HMCN2: variants seen among roughly 807,000 people sequenced by gnomAD.
HMCN2 encodes hemicentin-2.
In HMCN2, 325 loss-of-function variants were observed where a neutral mutation model predicts 377.5. That is an observed-to-expected ratio of 0.86 (90% CI 0.79 to 0.94). HMCN2 has a LOEUF of 0.94. Ranked by LOEUF, HMCN2 falls within the 40% of genes least tolerant of loss-of-function variation. The probability of loss-of-function intolerance (pLI) is 0.00; values close to 1 mark genes in which losing one functional copy is unlikely to be tolerated. For synonymous variants in HMCN2, 2,007 were observed against 2,046.8 expected (o/e 0.98, Z 0.53); for missense variants, 4,543 against 4,725.3 (o/e 0.96, Z 1.13).
intron 49 of HMCN2, among the ~76,000 whole-genome samples, chr9:130,375,048 A>G (rs1355685949): frequency 6.6e-6 from 1 of 152,170 alleles, no homozygotes; most frequent in African/African-American, 2.4e-5. Flanking sequence ...ATACATACCT[A>G]CTATTCTGTA....
At chr9:130,377,473 G>A (rs1841453557) in intron 52 of HMCN2, among the ~76,000 whole-genome samples, 176 bp from the exon 53 acceptor site, 1 of 152,196 alleles carries the variant, frequency 6.6e-6, no homozygotes, top group African/African-American at 2.4e-5. Context: ...TCACCCATGT[G>A]TGGCCCTTCT....
At position 130,424,808 on chromosome 9, in the gene HMCN2, G is replaced by A. The variant is rs960995566; in HGVS notation, c.13414G>A (p.Ala4472Thr). ...PLMRVLVVTIAPIYWALARES... is the reference protein window; with the variant it reads ...PLMRVLVVTITPIYWALARES... ...GATGCGGGTGCTCGTGGTCACCATC[G>A]CCCCCATCTACTGGGCCCTGGCCAG... The change falls in exon 88 of 98, where the codon GCC becomes ACC. Residue 4472 changes from alanine to threonine, a missense_variant. By Grantham distance (58) the Ala-to-Thr change is moderately conservative. Around this residue, in one of 5 missense-constraint regions of HMCN2, gnomAD observed 1,155 missense variants for 1,157.7 expected, o/e 1.00. Transcript: ENST00000683500. 136 of 1,537,658 alleles carry A rather than the reference G, an allele frequency of 8.8e-5. 2 individuals carry two copies. The East Asian group carries it at 3.0e-3, about 34-fold the overall frequency.
At chr9:130,348,442 C>G (rs976133755) in intron 26 of HMCN2, 103 bp from the exon 27 acceptor site, 4 of 1,234,552 alleles carry the variant, frequency 3.2e-6, no homozygotes, top group African/African-American at 3.1e-5. Flanking sequence ...CAGACCTTCT[C>G]CAACCCCAGT....
At position 130,400,881 on chromosome 9, in the gene HMCN2, G is replaced by C. The variant is rs1009289359; in HGVS notation, c.11704G>C (p.Val3902Leu). 1 of 1,289,302 alleles carries C rather than the reference G, an allele frequency of 7.8e-7. No homozygotes were observed. Among genetic ancestry groups the C allele is most frequent in the African/African-American group, 1.5e-5 (1 of 65,862 alleles). The allele number at this position is 1,289,302 out of a possible 1,614,324, so 79.9% of individuals were successfully genotyped here. Reference protein sequence around the residue: ...CHSTGIPAPTVSWSKAGAQLG... With the variant: ...CHSTGIPAPTLSWSKAGAQLG... ...CAGCACGGGTATACCAGCTCCGACCGTGTCCTGGAGCAAGGCAGGCGCCCA... is the reference window on the plus strand; with the variant it reads ...CAGCACGGGTATACCAGCTCCGACCCTGTCCTGGAGCAAGGCAGGCGCCCA... Residue 3902 changes from valine to leucine, a missense_variant, in exon 77 of 98, where the codon GTG becomes CTG. Val to Leu is a conservative substitution (Grantham distance 32, BLOSUM62 1). This residue lies in a region of HMCN2 where 1,073 missense variants were observed against 1,319.5 expected (regional missense o/e 0.81). Transcript: ENST00000683500.
chr9:130,312,165 A>G (rs1837278318), intron 15 of HMCN2, among the ~76,000 whole-genome samples: 2 of 152,140 alleles, frequency 1.3e-5, no homozygotes, highest in Admixed American at 6.5e-5. Context: ...CAGAGGTGGG[A>G]TCTGAACCAA....
Position 130,359,383 on chromosome 9 carries a change from G to T in HMCN2, c.5742G>T (p.Leu1914Phe). ...TGCTGGAAAATGCCTCAGTGACCTTGGAGTGTCTGGCTTCGGGCGTGCCCC... is the reference window on the plus strand; with the variant it reads ...TGCTGGAAAATGCCTCAGTGACCTTTGAGTGTCTGGCTTCGGGCGTGCCCC... ...KAVLENASVT[L>F]ECLASGVPPP... Residue 1914 changes from leucine (L) to phenylalanine (F), a missense_variant, in exon 37 of 98, where the codon TTG (leucine) becomes TTT (phenylalanine). By Grantham distance (22) the Leu-to-Phe change is conservative. Around this residue, in one of 5 missense-constraint regions of HMCN2, gnomAD observed 1,032 missense variants for 1,285.1 expected, o/e 0.80. Transcript: ENST00000683500. 1.5e-6 allele frequency: 2 copies of T among 1,303,790 alleles called. No individual in the cohort carries two copies. Among genetic ancestry groups the T allele is most frequent in the Non-Finnish European group, 2.0e-6 (2 of 988,492 alleles). The allele number at this position is 1,303,790 out of a possible 1,614,324, so 80.8% of individuals were successfully genotyped here.
rs909088247 is a variant in HMCN2, at chr9:130,323,892, G to A, written c.2921-1703G>A. 1.4e-4 allele frequency among the ~76,000 whole-genome samples: 21 copies of A among 152,016 alleles called. No individual in the cohort carries two copies. The South Asian group carries it at 1.7e-3, about 12-fold the overall frequency. Reference sequence around the variant, plus strand: ...TAATTTTTGTATTTTTAGTAGAGACGAGTTTCACCATGTTGGCCAGGCTGG... The same window carrying A: ...TAATTTTTGTATTTTTAGTAGAGACAAGTTTCACCATGTTGGCCAGGCTGG... On this transcript the variant is annotated intron_variant, in intron 19 of 97. Transcript: ENST00000683500.
chr9:130,372,345 A>G lies in HMCN2; in HGVS notation c.7289A>G (p.Tyr2430Cys). The G allele has an allele frequency of 1.0e-6, 1 of 985,936 alleles. No homozygotes were observed. Among genetic ancestry groups the G allele is most frequent in the Non-Finnish European group, 1.2e-6 (1 of 830,040 alleles). 61.1% of individuals were successfully genotyped at this position (985,936 alleles called of 1,614,324 possible). ...ACACAGGAGCAAGACAGTGGCCTCTACTCATGCCTGGCAAGCAACGAGGCT... is the reference window on the plus strand; with the variant it reads ...ACACAGGAGCAAGACAGTGGCCTCTGCTCATGCCTGGCAAGCAACGAGGCT... ...TQTQEQDSGL[Y>C]SCLASNEAGE... The change falls in exon 47 of 98, where the codon TAC becomes TGC. Residue 2430 changes from tyrosine (Y) to cysteine (C), a missense_variant. This residue lies in a region of HMCN2 where 1,032 missense variants were observed against 1,285.1 expected (regional missense o/e 0.80). Coordinates refer to ENST00000683500, the MANE Select transcript of HMCN2 (RefSeq NM_001291815.2).
chr9:130,298,277 A>T (rs1207127755), intron 7 of HMCN2, among the ~76,000 whole-genome samples: 8 of 152,030 alleles, frequency 5.3e-5, no homozygotes, highest in Non-Finnish European at 2.9e-5. Flanking sequence ...TTAAAGAGAA[A>T]CATTTGGGAG....
chr9:130,358,125 G>A (rs1840148780), intron 35 of HMCN2, 137 bp downstream of exon 35: 3 of 798,760 alleles, frequency 3.8e-6, no homozygotes, highest in Non-Finnish European at 5.2e-6. Flanking sequence ...AGCCTGAAAG[G>A]GTGAGCCTCA....
chr9:130,351,637 C>A lies in HMCN2; in HGVS notation c.4585+60C>A. The A allele has an allele frequency of 8.0e-7, 1 of 1,252,410 alleles. No homozygotes were observed. The highest frequency in any genetic ancestry group is 1.0e-6 in the Non-Finnish European group (1 of 954,852). 77.6% of individuals were successfully genotyped at this position (1,252,410 alleles called of 1,614,324 possible). The stretch of plus-strand genomic sequence containing the variant: ...GCTACTCAGGAAGCTTCCCACCCAG[C>A]TGCCCGCTGCCTTAGAGGGAGAGTG... On this transcript the variant is annotated intron_variant, in intron 30 of 97. Transcript: ENST00000683500. The surrounding 1 kb of genome is among the most constrained non-coding windows in gnomAD (Gnocchi z 5.4).
chr9:130,375,482 C>T, intron 49 of HMCN2, 81 bp from the exon 50 acceptor site: 12 of 811,702 alleles, frequency 1.5e-5, no homozygotes, highest in Non-Finnish European at 1.8e-5. Context: ...AGGCCAAGCA[C>T]CGGGGTCTGA....
intron 4 of HMCN2, among the ~76,000 whole-genome samples, chr9:130,289,448 G>A (rs1351553325): frequency 6.6e-6 from 1 of 152,126 alleles, no homozygotes; most frequent in African/African-American, 2.4e-5. Context: ...CCCAGGGGGA[G>A]GTGGTTAGGG....
rs1167252328 is a variant in HMCN2 at position 130,382,213 on chromosome 9, C to T, written c.8461C>T (p.Arg2821Trp). ...CCGGGTCCTGCAGATCCCCCTGGTG[C>T]GGGCAGAGAACGCCGGGAGGTACTC... ...GGRVLQIPLVRAENAGRYSCK... is the reference protein window; with the variant it reads ...GGRVLQIPLVWAENAGRYSCK... Residue 2821 changes from arginine (R) to tryptophan (W), a missense_variant, in exon 55 of 98, where the codon CGG (arginine) becomes TGG (tryptophan). Coordinates refer to ENST00000683500, the MANE Select transcript of HMCN2 (RefSeq NM_001291815.2). The T allele has an allele frequency of 1.1e-5, 11 of 985,718 alleles. No homozygotes were observed. The highest frequency in any genetic ancestry group is 9.4e-5 in the South Asian group (2 of 21,292). 61.1% of individuals were successfully genotyped at this position (985,718 alleles called of 1,614,324 possible). A position where few individuals can be genotyped will look rare whatever the true frequency, so the allele number is the denominator to read the frequency against.
At chr9:130,302,176 T>A (rs149799578) in intron 8 of HMCN2, among the ~76,000 whole-genome samples, 3,704 of 152,020 alleles carry the variant, frequency 0.024, 54 homozygotes, top group Non-Finnish European at 0.032. Context: ...GCCTCCTGAG[T>A]AGCTGGGATT....
Position 130,393,667 on chromosome 9 carries a change from T to G in HMCN2, c.10235-75T>G. On this transcript the variant is annotated intron_variant, in intron 67 of 97. Transcript: ENST00000683500. The surrounding 1 kb of genome is among the most constrained non-coding windows in gnomAD (Gnocchi z 5.2). Reference sequence around the variant, plus strand: ...GACCAGGGCGGCTTCCTGGAAGAGGTGATGTCTAAGCTGAGTACTGGAGAT... The same window carrying G: ...GACCAGGGCGGCTTCCTGGAAGAGGGGATGTCTAAGCTGAGTACTGGAGAT... 1 of 1,161,614 alleles carries G rather than the reference T, an allele frequency of 8.6e-7. No individual in the cohort carries two copies. The highest frequency in any genetic ancestry group is 3.9e-5 in the Admixed American group (1 of 25,392). 72.0% of individuals were successfully genotyped at this position (1,161,614 alleles called of 1,614,324 possible). A position where few individuals can be genotyped will look rare whatever the true frequency, so the allele number is the denominator to read the frequency against.
At chr9:130,352,397 A>G (rs1316984946) in intron 30 of HMCN2, among the ~76,000 whole-genome samples, 2 of 152,244 alleles carry the variant, frequency 1.3e-5, no homozygotes, top group Non-Finnish European at 2.9e-5. Context: ...AGAAAGTGCT[A>G]GAAAGGTTAG....
chr9:130,400,506 A>C, intron 76 of HMCN2: 1 of 206,340 alleles, frequency 4.8e-6, no homozygotes, highest in Non-Finnish European at 9.9e-6. Context: ...CAGCAGTAGG[A>C]TCACACTTGT....
rs543411995 is a variant in HMCN2 at position 130,356,719 on chromosome 9, C to T, written c.5425+462C>T. On this transcript the variant is annotated intron_variant, in intron 34 of 97. Transcript: ENST00000683500. ...ACTGCCCAGCCTCTCAATGCCTTAG[C>T]CCTCCAACAACTACATTGGGATTGC... is the stretch of plus-strand genomic sequence containing the variant. Among the ~76,000 whole-genome samples, 3 of 152,350 alleles carry T rather than the reference C, an allele frequency of 2.0e-5. No individual in the cohort carries two copies. The South Asian group carries it at 6.2e-4, about 32-fold the overall frequency.
Sources: allele counts gnomAD v4.1 joint callset (sites outside exome capture counted in the v4.1 genomes callset), GRCh38; gene constraint gnomAD v4.1.1; regional missense constraint gnomAD v4.1.1; non-coding constraint Gnocchi (gnomAD v3.1); transcripts MANE v1.5; gene names NCBI Gene and HGNC (gene_info 2026-07-23, HGNC 2026-07-21).